The following FOXP2 variants were observed in gnomAD, a reference collection of about 807,000 sequenced individuals.
FOXP2 encodes forkhead box P2.
FOXP2 carries 12 observed loss-of-function variants against 115.8 expected under a neutral mutation model. The ratio of observed to expected loss-of-function variants is 0.10; its 90% CI spans 0.07 to 0.17. The LOEUF (loss-of-function observed/expected upper bound fraction) is 0.17, where lower values mean the gene tolerates loss of function less well. FOXP2 is among the 10% of genes least tolerant of loss of function. FOXP2 has a pLI of 1.00. For missense variants in FOXP2, 629 were observed against 843.5 expected, an observed-to-expected ratio of 0.75 and a Z score of 3.15; for synonymous variants, 328 against 297.7, an observed-to-expected ratio of 1.10 and a Z score of -1.05.
chr7:114,549,147 A>C (rs1035873548), intron 3 of FOXP2, among the ~76,000 whole-genome samples: 4 of 152,190 alleles, frequency 2.6e-5, no homozygotes, highest in African/African-American at 9.7e-5. Context: ...CCAAACTTCC[A>C]TTGACACATA....
chr7:114,682,279 A>G (rs966228871), intron 16 of FOXP2, among the ~76,000 whole-genome samples: 1 of 152,150 alleles, frequency 6.6e-6, no homozygotes, highest in Non-Finnish European at 1.5e-5. Context: ...ACTAAATATT[A>G]TAAATGAGGT....
intron 1 of FOXP2, among the ~76,000 whole-genome samples, chr7:114,418,804 A>C (rs1309339731): frequency 2.0e-5 from 3 of 151,910 alleles, no homozygotes; most frequent in Admixed American, 6.6e-5. Flanking sequence ...ACTTATAAGA[A>C]TGATGTGGCT....
chr7:114,145,435 T>TCTTTTTTCTTTTC (rs1554421633), intron 1 of FOXP2, among the ~76,000 whole-genome samples: 1 of 59,414 alleles, frequency 1.7e-5, no homozygotes. Context: ...TGCCATTTTT[T>TCTTTTTTCTTTTC]CTTTTCTTTT....
chr7:114,354,732 C>A (rs1430540731), intron 2 of FOXP2, among the ~76,000 whole-genome samples: 8 of 152,138 alleles, frequency 5.3e-5, no homozygotes, highest in African/African-American at 1.9e-4. Flanking sequence ...AATTAATGGT[C>A]TCTATGAACA....
At chr7:114,389,978 C>T (rs1388119366) in intron 2 of FOXP2, among the ~76,000 whole-genome samples, 3 of 132,520 alleles carry the variant, frequency 2.3e-5, no homozygotes, top group Admixed American at 9.1e-5. Flanking sequence ...TAGCTGAGAT[C>T]GGACCACTGC....
At position 114,595,683 on chromosome 7, in the gene FOXP2, A is replaced by T. The variant is rs138585610; in HGVS notation, c.259-32857A>T. On this transcript the variant is annotated intron_variant, in intron 3 of 16. Coordinates refer to ENST00000350908, the MANE Select transcript of FOXP2 (RefSeq NM_014491.4). ...ATTCTCTTTAGCATTGTAGGAAAAGAATCCACAGTGCTAATTCCCCAGAGA... is the reference window on the plus strand; with the variant it reads ...ATTCTCTTTAGCATTGTAGGAAAAGTATCCACAGTGCTAATTCCCCAGAGA... Among the ~76,000 whole-genome samples, 21 of 152,172 alleles carry T rather than the reference A, an allele frequency of 1.4e-4. 1 individual carries two copies. In the East Asian group the frequency reaches 3.9e-3, roughly 28 times the overall value.
chr7:114,403,774 A>G (rs1454931746), intron 2 of FOXP2, among the ~76,000 whole-genome samples: 1 of 152,210 alleles, frequency 6.6e-6, no homozygotes, highest in Non-Finnish European at 1.5e-5. Flanking sequence ...GAAATTATGA[A>G]AGAACCTTAT....
At chr7:114,354,870 A>C (rs952202039) in intron 2 of FOXP2, among the ~76,000 whole-genome samples, 2 of 152,214 alleles carry the variant, frequency 1.3e-5, no homozygotes, top group African/African-American at 4.8e-5. Context: ...TTTTGGACAG[A>C]GTATGTATAA....
At chr7:114,086,641 C>T (rs13309866), upstream of FOXP2, 1 of 381,674 alleles carries the variant, frequency 2.6e-6, no homozygotes, top group East Asian at 1.2e-4. Context: ...CTCTGGCGCG[C>T]TACACCTCCG....
At chr7:114,143,534 T>C (rs1384824079) in intron 1 of FOXP2, among the ~76,000 whole-genome samples, 1 of 152,178 alleles carries the variant, frequency 6.6e-6, no homozygotes, top group Non-Finnish European at 1.5e-5. Flanking sequence ...TACAGATTGT[T>C]AGGTTTCTCT....
chr7:114,152,572 A>G (rs951332335), intron 1 of FOXP2, among the ~76,000 whole-genome samples: 9 of 152,194 alleles, frequency 5.9e-5, no homozygotes, highest in Admixed American at 2.0e-4. Context: ...AGAAGAGGTA[A>G]CAGTCTCTTG....
intron 1 of FOXP2, among the ~76,000 whole-genome samples, chr7:114,215,625 A>C (rs1794467226): frequency 6.6e-6 from 1 of 151,598 alleles, no homozygotes; most frequent in African/African-American, 2.4e-5. Context: ...CCATTAGTAC[A>C]GTGTGTACTT....
chr7:114,604,132 C>T (rs888762984), intron 3 of FOXP2, among the ~76,000 whole-genome samples: 1 of 152,116 alleles, frequency 6.6e-6, no homozygotes, highest in African/African-American at 2.4e-5. Flanking sequence ...GGTCCAGGAT[C>T]AAGGTGCTGG....
chr7:114,393,999 TGTGTGTGA>T (rs773861084), intron 2 of FOXP2, among the ~76,000 whole-genome samples: 161 of 17,622 alleles, frequency 9.1e-3, no homozygotes, highest in East Asian at 0.02. Flanking sequence ...TGTGTGTGTG[TGTGTGTGA>T]GAGAGAGAGA....
intron 2 of FOXP2, among the ~76,000 whole-genome samples, chr7:114,533,531 C>G (rs1799239528): frequency 6.6e-6 from 1 of 151,850 alleles, no homozygotes; most frequent in South Asian, 2.1e-4. Flanking sequence ...CAAAATTGTA[C>G]TTTTTATCAG....
chr7:114,521,726 A>G (rs920059395), intron 2 of FOXP2, among the ~76,000 whole-genome samples: 2 of 148,950 alleles, frequency 1.3e-5, no homozygotes, highest in Admixed American at 1.4e-4. Flanking sequence ...ATATTGTGGT[A>G]AAGTCATGGG....
At chr7:114,585,724 G>T (rs979404957) in intron 3 of FOXP2, among the ~76,000 whole-genome samples, 2 of 152,072 alleles carry the variant, frequency 1.3e-5, no homozygotes, top group Non-Finnish European at 2.9e-5. Context: ...AGAATTAACT[G>T]GGTGTGGTGA....
chr7:114,240,951 A>G (rs1795136486), intron 1 of FOXP2, among the ~76,000 whole-genome samples: 1 of 152,042 alleles, frequency 6.6e-6, no homozygotes, highest in Non-Finnish European at 1.5e-5. Context: ...TGTTGATAAC[A>G]CTTTTATTTT....
chr7:114,210,688 G>A lies in FOXP2; in HGVS notation c.-102+47600G>A, dbSNP rs776011034. 4.6e-5 allele frequency among the ~76,000 whole-genome samples: 7 copies of A among 152,232 alleles called. No homozygotes were observed. In the East Asian group the frequency reaches 7.8e-4, roughly 17 times the overall value. ...CTTTTTGGTAGAGGAGGTGTGCTGCGTTGGGGGAAACCCTTCCTCATCTGG... is the reference window on the plus strand; with the variant it reads ...CTTTTTGGTAGAGGAGGTGTGCTGCATTGGGGGAAACCCTTCCTCATCTGG... On this transcript the variant is annotated intron_variant, in intron 1 of 17. Coordinates refer to the FOXP2 transcript ENST00000634411.
Sources: allele counts gnomAD v4.1 joint callset (sites outside exome capture counted in the v4.1 genomes callset), GRCh38; gene constraint gnomAD v4.1.1; transcripts MANE v1.5; gene names NCBI Gene and HGNC (gene_info 2026-07-23, HGNC 2026-07-21).